Variants in SDK1 observed in about 807,000 individuals in gnomAD.
SDK1 encodes the protein protein sidekick-1.
In SDK1, 157 loss-of-function variants were observed where a neutral mutation model predicts 245.5. The observed-to-expected ratio is 0.64, with a 90% CI of 0.56 to 0.73. SDK1 has a LOEUF of 0.73. Ranked by LOEUF, SDK1 falls within the 30% of genes least tolerant of loss-of-function variation. The pLI is 0.00. For synonymous variants in SDK1, 1,647 were observed against 1,278.5 expected, an observed-to-expected ratio of 1.29 and a Z score of -6.15; for missense variants, 3,583 against 3,002.3, an observed-to-expected ratio of 1.19 and a Z score of -4.52.
chr7:4,099,588 A>T (rs1342742337), intron 22 of SDK1, among the ~76,000 whole-genome samples: 1 of 110,182 alleles, frequency 9.1e-6, no homozygotes, highest in African/African-American at 3.4e-5. Flanking sequence ...ACTGGGCTCT[A>T]GGTACAAAAG....
chr7:3,945,864 A>G (rs1780554562), intron 5 of SDK1, among the ~76,000 whole-genome samples: 2 of 125,288 alleles, frequency 1.6e-5, no homozygotes, highest in African/African-American at 6.0e-5. Context: ...GTGCCACTGC[A>G]CTCCAGCCTG....
At chr7:4,105,003 G>C (rs1426355565) in intron 22 of SDK1, among the ~76,000 whole-genome samples, 1 of 152,034 alleles carries the variant, frequency 6.6e-6, no homozygotes, top group East Asian at 1.9e-4. Flanking sequence ...ATTCTTTTGA[G>C]ATGAAGTCGC....
chr7:3,969,512 T>A, intron 11 of SDK1, 88 bp downstream of exon 11: 2 of 946,878 alleles, frequency 2.1e-6, no homozygotes, highest in Non-Finnish European at 2.9e-6. Flanking sequence ...CAGCATGCCC[T>A]TGGGCTTGCT....
At chr7:4,245,477 C>T (rs1222323115) in intron 43 of SDK1, among the ~76,000 whole-genome samples, 199 bp from the exon 44 acceptor site, 1 of 152,162 alleles carries the variant, frequency 6.6e-6, no homozygotes, top group African/African-American at 2.4e-5. Context: ...CCACAACTGA[C>T]AGGCACAGGT....
chr7:4,251,780 G>A (rs953415553), intron 44 of SDK1, among the ~76,000 whole-genome samples: 2 of 152,202 alleles, frequency 1.3e-5, no homozygotes, highest in Admixed American at 6.5e-5. Context: ...TCTTTTTAAG[G>A]CTAGTGGTCT....
intron 1 of SDK1, among the ~76,000 whole-genome samples, chr7:3,540,307 C>G (rs541859404): frequency 1.3e-5 from 2 of 152,034 alleles, no homozygotes; most frequent in Non-Finnish European, 2.9e-5. Context: ...TTCGGGAGGC[C>G]GAGACAGGAG....
intron 1 of SDK1, among the ~76,000 whole-genome samples, chr7:3,358,163 A>T (rs868764575): frequency 6.6e-6 from 1 of 152,104 alleles, no homozygotes; most frequent in Non-Finnish European, 1.5e-5. Context: ...CTCAGACTAC[A>T]GGCCCATGCC....
chr7:3,588,091 C>G (rs1210276973), intron 1 of SDK1, among the ~76,000 whole-genome samples: 1 of 152,182 alleles, frequency 6.6e-6, no homozygotes, highest in African/African-American at 2.4e-5. Flanking sequence ...TTTGGTGGAT[C>G]TACGAGCCCT....
At chr7:3,801,439 T>C (rs975503673) in intron 4 of SDK1, among the ~76,000 whole-genome samples, 1 of 152,222 alleles carries the variant, frequency 6.6e-6, no homozygotes, top group African/African-American at 2.4e-5. Flanking sequence ...ATTCACTAAC[T>C]GACCTCAGCT....
intron 1 of SDK1, among the ~76,000 whole-genome samples, chr7:3,586,800 G>C (rs1398082640): frequency 6.6e-6 from 1 of 152,156 alleles, no homozygotes; most frequent in East Asian, 1.9e-4. Flanking sequence ...TATCATGTGG[G>C]ATGTCTTTAT....
intron 1 of SDK1, among the ~76,000 whole-genome samples, chr7:3,357,480 A>C (rs752759038): frequency 6.7e-6 from 1 of 149,586 alleles, no homozygotes; most frequent in African/African-American, 2.5e-5. Flanking sequence ...TCTCCCTGGC[A>C]TCTGGGTTTC....
intron 17 of SDK1, among the ~76,000 whole-genome samples, chr7:4,047,332 T>A (rs1403166994): frequency 2.6e-5 from 4 of 152,250 alleles, no homozygotes; most frequent in Non-Finnish European, 5.9e-5. Context: ...CTTCCATGTA[T>A]AAGATACACC....
At chr7:4,149,489 C>A in intron 30 of SDK1, 26 bp downstream of exon 30, 1 of 1,415,218 alleles carries the variant, frequency 7.1e-7, no homozygotes, top group East Asian at 2.8e-5. Context: ...GAGCACCTCC[C>A]CGGGGAACGG....
At chr7:3,398,692 C>G (rs962569983) in intron 1 of SDK1, among the ~76,000 whole-genome samples, 3 of 150,602 alleles carry the variant, frequency 2.0e-5, no homozygotes, top group Non-Finnish European at 4.4e-5. Context: ...CCAGTCTTCA[C>G]CAGGAGAACA....
chr7:3,752,947 C>G (rs1274715140), intron 4 of SDK1, among the ~76,000 whole-genome samples: 1 of 152,050 alleles, frequency 6.6e-6, no homozygotes, highest in Admixed American at 6.6e-5. Flanking sequence ...TTGTTGTTAT[C>G]TCAGTCTTAA....
chr7:3,513,660 A>G (rs992764469), intron 1 of SDK1, among the ~76,000 whole-genome samples: 8 of 152,194 alleles, frequency 5.3e-5, no homozygotes, highest in Admixed American at 6.5e-5. Flanking sequence ...TTTAGATTAA[A>G]GGTATACATG....
intron 31 of SDK1, among the ~76,000 whole-genome samples, chr7:4,161,046 G>A (rs185223904): frequency 8.5e-5 from 13 of 152,300 alleles, no homozygotes; most frequent in Admixed American, 2.6e-4. Flanking sequence ...CTGGGCCCCC[G>A]GGATCTTACA....
chr7:3,701,924 CAAAA>C (rs58687135), intron 4 of SDK1, among the ~76,000 whole-genome samples: 5 of 85,682 alleles, frequency 5.8e-5, no homozygotes, highest in East Asian at 4.1e-4. Context: ...CGTGCATAAG[CAAAA>C]AAAAAAAAAA....
intron 4 of SDK1, among the ~76,000 whole-genome samples, chr7:3,796,169 T>G (rs562785082): frequency 6.6e-6 from 1 of 152,180 alleles, no homozygotes; most frequent in East Asian, 1.9e-4. Context: ...AAAACAGTTC[T>G]GCAAAATGAA....
Sources: gnomAD v4.1 joint callset for allele counts (sites outside exome capture counted in the v4.1 genomes callset) on GRCh38, gnomAD v4.1.1 for gene constraint, MANE v1.5 for transcripts, NCBI Gene and HGNC (gene_info 2026-07-23, HGNC 2026-07-21) for gene names.